DGKZ: variants seen among roughly 807,000 people sequenced by gnomAD.
DGKZ encodes diacylglycerol kinase zeta, also known as DAG kinase zeta.
In DGKZ, 45 loss-of-function variants were observed where a neutral mutation model predicts 142.5. The observed-to-expected ratio is 0.32, with a 90% CI of 0.25 to 0.40. The LOEUF is 0.40. Ranked by LOEUF, DGKZ falls within the 10% of genes least tolerant of loss-of-function variation. The pLI is 1.00. For synonymous variants in DGKZ, 442 were observed against 527.0 expected (o/e 0.84, Z 2.21); for missense variants, 755 against 1,306.5 (o/e 0.58, Z 6.51).
chr11:46,344,195 C>T (rs541519975), upstream of DGKZ, among the ~76,000 whole-genome samples: 2 of 152,152 alleles, frequency 1.3e-5, no homozygotes, highest in South Asian at 4.2e-4. Context: ...AGTAACCCAC[C>T]AGCCTCAGCC....
In DGKZ at chr11:46,351,100, G is replaced by A. The variant is rs547488597; in HGVS notation, c.161+3280G>A. Among the ~76,000 whole-genome samples, 204 of 152,094 alleles carry A rather than the reference G, an allele frequency of 1.3e-3. 3 individuals are homozygous for A. The highest frequency in any genetic ancestry group is 2.3e-3 in the Non-Finnish European group (155 of 67,964). ...GTTGACCCTAAGGATTGGGCAGCCAGGAGTGGGAGAGAAGTGGACTCTCTC... is the reference window on the plus strand; with the variant it reads ...GTTGACCCTAAGGATTGGGCAGCCAAGAGTGGGAGAGAAGTGGACTCTCTC... On this transcript the variant is annotated intron_variant, in intron 1 of 30. Transcript: ENST00000527911.
chr11:46,359,293 A>T (rs1028594015), intron 1 of DGKZ, among the ~76,000 whole-genome samples: 1 of 151,804 alleles, frequency 6.6e-6, no homozygotes, highest in East Asian at 1.9e-4. Context: ...ATACAAAAAA[A>T]AATTAGCTGG....
At chr11:46,351,543 T>TGTTGAGGGACGC (rs1444805062) in intron 1 of DGKZ, among the ~76,000 whole-genome samples, 1 of 152,108 alleles carries the variant, frequency 6.6e-6, no homozygotes, top group Non-Finnish European at 1.5e-5. Flanking sequence ...GGGAGGGACG[T>TGTTGAGGGACGC]GTTGAGGGAC....
intron 1 of DGKZ, among the ~76,000 whole-genome samples, chr11:46,341,860 C>G (rs547230855): frequency 1.3e-5 from 2 of 152,264 alleles, no homozygotes; most frequent in South Asian, 4.1e-4. Context: ...GAGGCAGGCA[C>G]TAGCATGGCA....
intron 1 of DGKZ, among the ~76,000 whole-genome samples, chr11:46,354,456 G>A (rs574536239): frequency 2.0e-5 from 3 of 152,196 alleles, no homozygotes; most frequent in Non-Finnish European, 4.4e-5. Context: ...TTGGCCTCCT[G>A]AGTTGCTGAG....
chr11:46,353,530 G>A (rs755155453), intron 1 of DGKZ, among the ~76,000 whole-genome samples: 12 of 152,206 alleles, frequency 7.9e-5, no homozygotes, highest in Non-Finnish European at 1.8e-4. Context: ...CTGTGAGCCC[G>A]TCATCATGTG....
At position 46,367,434 on chromosome 11, in the gene DGKZ, C is replaced by G. The variant is rs749314563; in HGVS notation, c.270+35C>G. 8.1e-6 allele frequency: 13 copies of G among 1,601,236 alleles called. No homozygotes were observed. The South Asian group carries it at 1.4e-4, about 18-fold the overall frequency. ...TGAACACCCCTGGGTCCCAGACCCT[C>G]TGGGCTCTTGGCCAAGGCGCAGCTG... On this transcript the variant is annotated intron_variant, in intron 2 of 30. Transcript: ENST00000527911. The surrounding 1 kb of genome is among the most constrained non-coding windows in gnomAD (Gnocchi z 4.1).
At chr11:46,354,633 G>C (rs1259509982) in intron 1 of DGKZ, among the ~76,000 whole-genome samples, 2 of 152,224 alleles carry the variant, frequency 1.3e-5, no homozygotes, top group Non-Finnish European at 2.9e-5. Context: ...ATTTGCTTTA[G>C]ATAGAGATGG....
exon 28 of DGKZ, chr11:46,379,005 C>T (rs1042354678): frequency 5.7e-6 from 9 of 1,570,912 alleles, no homozygotes; most frequent in African/African-American, 1.4e-5. Flanking sequence ...AGGAGCTGCA[C>T]CGAGCTGGGG....
At position 46,368,233 on chromosome 11, in the gene DGKZ, G is replaced by A. The variant is rs772209553; in HGVS notation, c.444+154G>A. On this transcript the variant is annotated intron_variant, in intron 4 of 30. Coordinates refer to ENST00000527911, the Ensembl canonical transcript of DGKZ. ...AAGGACCCTGGAGCCAAATGCCTGC[G>A]TTCGAATCCTGGCTCCTCACTGATT... The A allele has an allele frequency of 1.8e-5, 14 of 777,980 alleles. 1 individual carries two copies. Among genetic ancestry groups the A allele is most frequent in the South Asian group, 7.3e-5 (5 of 68,280 alleles). The allele number at this position is 777,980 out of a possible 1,614,324, so 48.2% of individuals were successfully genotyped here.
chr11:46,376,630 C>T (rs1204830963), intron 24 of DGKZ, 66 bp downstream of exon 24: 22 of 1,599,914 alleles, frequency 1.4e-5, no homozygotes, highest in Middle Eastern at 1.7e-4. Context: ...TCTCCTGGGA[C>T]GCCTTCCCTG....
At chr11:46,374,544 C>T (rs1439094608) in intron 16 of DGKZ, 60 bp from the exon 17 acceptor site, 8 of 1,609,230 alleles carry the variant, frequency 5.0e-6, no homozygotes, top group South Asian at 3.3e-5. Flanking sequence ...AGGAGCCCTG[C>T]CGGGTGCTGG....
At position 46,367,456 on chromosome 11, in the gene DGKZ, G is replaced by T. The variant is rs1943441461; in HGVS notation, c.270+57G>T. ...CCTCTGGGCTCTTGGCCAAGGCGCAGCTGGCGGGTGGAGGCACTAAAGGCA... is the reference window on the plus strand; with the variant it reads ...CCTCTGGGCTCTTGGCCAAGGCGCATCTGGCGGGTGGAGGCACTAAAGGCA... On this transcript the variant is annotated intron_variant, in intron 2 of 30. Coordinates refer to ENST00000527911, the Ensembl canonical transcript of DGKZ. This position sits in a 1 kb window ranked among gnomAD's most constrained non-coding sequence, Gnocchi z 4.1. 1.9e-6 allele frequency: 3 copies of T among 1,568,740 alleles called. No individual in the cohort carries two copies. Among genetic ancestry groups the T allele is most frequent in the Non-Finnish European group, 2.6e-6 (3 of 1,147,388 alleles).
intron 1 of DGKZ, among the ~76,000 whole-genome samples, chr11:46,360,622 C>A (rs985637980): frequency 1.9e-4 from 29 of 152,026 alleles, no homozygotes; most frequent in African/African-American, 7.0e-4. Flanking sequence ...CCCGTCTCTA[C>A]TAAAAATACA....
In DGKZ at chr11:46,366,640, C is replaced by T. The variant is rs375495465; in HGVS notation, c.162-651C>T. On this transcript the variant is annotated intron_variant, in intron 1 of 30. Transcript: ENST00000527911. ...AGGGTGTCCAGGAGGATGTGGTAGC[C>T]GAGGCATCGAGCGCCATCCAGCCAG... 152 of 1,602,432 alleles carry T rather than the reference C, an allele frequency of 9.5e-5. No homozygotes were observed. The South Asian group carries it at 1.3e-3, about 14-fold the overall frequency.
rs368274555 is a variant in DGKZ at position 46,366,649 on chromosome 11, G to A, written c.162-642G>A. The A allele has an allele frequency of 1.3e-4, 214 of 1,599,462 alleles. No individual in the cohort carries two copies. In the African/African-American group the frequency reaches 2.7e-3, roughly 20 times the overall value. On this transcript the variant is annotated intron_variant, in intron 1 of 30. Coordinates refer to ENST00000527911, the Ensembl canonical transcript of DGKZ. ...AGGAGGATGTGGTAGCCGAGGCATC[G>A]AGCGCCATCCAGCCAGGCACCAAGA...
chr11:46,377,178 C>T lies in DGKZ; in HGVS notation c.2308C>T (p.Pro770Ser), dbSNP rs768153991. 1.2e-6 allele frequency: 2 copies of T among 1,605,112 alleles called. No individual in the cohort carries two copies. The highest frequency in any genetic ancestry group is 3.4e-5 in the Admixed American group (2 of 59,422). ...GCCTGACCTCCCAACCCCCACTTCC[C>T]CTCTCCCCACCTCACCCTGCTCACC... The change falls in exon 25 of 31, where the codon CCT becomes TCT. Residue 770 changes from proline (P) to serine (S), a missense_variant. Around this residue, in one of 8 missense-constraint regions of DGKZ, gnomAD observed 87 missense variants for 112.2 expected, o/e 0.78. Transcript: ENST00000527911.
At chr11:46,355,577 A>G (rs1941921251) in intron 1 of DGKZ, among the ~76,000 whole-genome samples, 1 of 152,174 alleles carries the variant, frequency 6.6e-6, no homozygotes, top group Admixed American at 6.5e-5. Flanking sequence ...GCTTGAGGTC[A>G]TGTAGCTGGT....
chr11:46,379,710 G>T, intron 30 of DGKZ, 121 bp from the exon 31 acceptor site: 1 of 1,274,416 alleles, frequency 7.8e-7, no homozygotes, highest in Non-Finnish European at 1.1e-6. Context: ...GGGAGGAGCT[G>T]GTGGGCAGAG....
Sources: allele counts gnomAD v4.1 joint callset (sites outside exome capture counted in the v4.1 genomes callset), GRCh38; gene constraint gnomAD v4.1.1; regional missense constraint gnomAD v4.1.1; non-coding constraint Gnocchi (gnomAD v3.1); transcripts MANE v1.5; gene names NCBI Gene and HGNC (gene_info 2026-07-23, HGNC 2026-07-21).